LAMA1: variants seen among roughly 807,000 people sequenced by gnomAD.
LAMA1 encodes laminin subunit alpha 1, also known as laminin subunit alpha-1.
LAMA1 carries 219 observed loss-of-function variants against 348.7 expected under a neutral mutation model. The observed-to-expected ratio is 0.63, with a 90% CI of 0.56 to 0.70. LAMA1 has a LOEUF of 0.70. Ranked by LOEUF, LAMA1 falls within the 30% of genes least tolerant of loss-of-function variation. LAMA1 has a pLI of 0.00. For missense variants in LAMA1, 3,744 were observed against 3,888.0 expected (o/e 0.96, Z 0.99); for synonymous variants, 1,487 against 1,491.0 (o/e 1.00, Z 0.06).
At chr18:7,091,235 G>A (rs1050114662) in intron 1 of LAMA1, among the ~76,000 whole-genome samples, 3 of 152,038 alleles carry the variant, frequency 2.0e-5, no homozygotes, top group African/African-American at 4.8e-5. Context: ...TTGCACTTAC[G>A]CAAAACACAA....
intron 46 of LAMA1, 105 bp from the exon 47 acceptor site, chr18:6,973,312 T>G (rs990042414): frequency 7.8e-5 from 77 of 989,344 alleles, no homozygotes; most frequent in Admixed American, 3.9e-5. Context: ...CCAAGGGCCC[T>G]GCAACAGCAC....
chr18:7,060,870 T>C (rs937532893), intron 3 of LAMA1, among the ~76,000 whole-genome samples: 6 of 152,128 alleles, frequency 3.9e-5, no homozygotes, highest in Non-Finnish European at 7.4e-5. Context: ...TTAAAAAGTG[T>C]GCAGGCTGGG....
chr18:7,055,269 G>A (rs2058077024), intron 3 of LAMA1, among the ~76,000 whole-genome samples: 2 of 151,700 alleles, frequency 1.3e-5, no homozygotes, highest in Middle Eastern at 3.4e-3. Flanking sequence ...TGGCCAACAT[G>A]GTGAAACCCC....
chr18:7,042,205 G>A lies in LAMA1; in HGVS notation c.1201C>T (p.Pro401Ser), dbSNP rs757753574. The A allele has an allele frequency of 6.2e-6, 10 of 1,612,718 alleles. No homozygotes were observed. Among genetic ancestry groups the A allele is most frequent in the South Asian group, 4.4e-5 (4 of 90,720 alleles). The change falls in exon 9 of 63, where the codon CCT (proline) becomes TCT (serine). Residue 401 changes from proline (P) to serine (S), a missense_variant. By Grantham distance (74) the Pro-to-Ser change is moderately conservative. Transcript: ENST00000389658. ...DEPCRPCNCDPVGSLSSVCIK... is the reference protein window; with the variant it reads ...DEPCRPCNCDSVGSLSSVCIK... Reference sequence around the variant, plus strand: ...CAGACAGAACTGAGGGACCCCACAGGGTCACAATTACAGGGGCGGCAAGGC... The same window carrying A: ...CAGACAGAACTGAGGGACCCCACAGAGTCACAATTACAGGGGCGGCAAGGC...
intron 36 of LAMA1, among the ~76,000 whole-genome samples, chr18:6,986,872 G>A (rs929712856): frequency 1.7e-4 from 26 of 152,118 alleles, no homozygotes; most frequent in Non-Finnish European, 3.8e-4. Context: ...CGATTCTCCT[G>A]CCTCTGCCTC....
At chr18:7,058,110 A>G (rs955300080) in intron 3 of LAMA1, among the ~76,000 whole-genome samples, 1 of 151,878 alleles carries the variant, frequency 6.6e-6, no homozygotes, top group Admixed American at 6.6e-5. Flanking sequence ...CCCAGCCCAT[A>G]ATTATTTCAA....
intron 1 of LAMA1, among the ~76,000 whole-genome samples, chr18:7,083,455 G>A (rs906904463): frequency 6.6e-6 from 1 of 151,684 alleles, no homozygotes; most frequent in Non-Finnish European, 1.5e-5. Context: ...CAAAGTGCTG[G>A]GATTACAGGC....
intron 1 of LAMA1, among the ~76,000 whole-genome samples, chr18:7,113,622 G>A (rs1390342507): frequency 8.5e-5 from 13 of 152,152 alleles, no homozygotes; most frequent in Non-Finnish European, 1.5e-5. Context: ...AGCGGTTATC[G>A]AGATGGTGTT....
chr18:7,012,141 A>T lies in LAMA1; in HGVS notation c.3364-3T>A. On this transcript the variant is annotated splice_polypyrimidine_tract_variant and splice_region_variant and intron_variant, in intron 23 of 62. Coordinates refer to ENST00000389658, the MANE Select transcript of LAMA1 (RefSeq NM_005559.4). The stretch of plus-strand genomic sequence containing the variant: ...CACTGAGGACCAAAGACATTTTCCT[A>T]CAGGGGAGCAAATAAAGGACTCGTT... The T allele has an allele frequency of 6.2e-7, 1 of 1,613,910 alleles. No homozygotes were observed. The highest frequency in any genetic ancestry group is 2.2e-5 in the East Asian group (1 of 44,882).
intron 42 of LAMA1, among the ~76,000 whole-genome samples, chr18:6,979,920 G>A (rs17518744): frequency 0.48 from 73,468 of 151,982 alleles, 18,450 homozygotes; most frequent in East Asian, 0.69. Flanking sequence ...GCTGCTAGCC[G>A]GGTTCAGGCT....
intron 1 of LAMA1, among the ~76,000 whole-genome samples, chr18:7,098,283 G>A (rs1179802159): frequency 1.3e-5 from 2 of 152,140 alleles, no homozygotes; most frequent in Non-Finnish European, 2.9e-5. Flanking sequence ...CGTCTGGGAA[G>A]TGAGGAGTGT....
At chr18:6,960,429 T>C (rs2057601485) in intron 53 of LAMA1, 2 of 152,094 alleles carry the variant, frequency 1.3e-5, no homozygotes. Flanking sequence ...ATCATATGAT[T>C]CCATTTGTAC....
intron 9 of LAMA1, among the ~76,000 whole-genome samples, chr18:7,041,131 G>A (rs73938549): frequency 0.021 from 3,145 of 151,870 alleles, 108 homozygotes; most frequent in African/African-American, 0.073. Context: ...GAACTGTATC[G>A]TTGTAAATTA....
chr18:7,112,927 G>A (rs547373838), intron 1 of LAMA1, among the ~76,000 whole-genome samples: 5 of 152,160 alleles, frequency 3.3e-5, no homozygotes, highest in South Asian at 4.1e-4. Context: ...GAGCCACTGC[G>A]CCCAGCTATT....
chr18:6,960,665 C>T (rs2057602607), intron 53 of LAMA1: 1 of 143,824 alleles, frequency 7.0e-6, no homozygotes, highest in Non-Finnish European at 1.5e-5. Context: ...ATATGAATTT[C>T]AGCTCAACTA....
At chr18:7,117,087 G>C (rs2058360100) in intron 1 of LAMA1, among the ~76,000 whole-genome samples, 1 of 152,122 alleles carries the variant, frequency 6.6e-6, no homozygotes, top group Non-Finnish European at 1.5e-5. Flanking sequence ...TGCCCGGGAC[G>C]GCTGGCTAGG....
At chr18:6,995,679 T>C (rs2057778256) in intron 33 of LAMA1, among the ~76,000 whole-genome samples, 1 of 152,218 alleles carries the variant, frequency 6.6e-6, no homozygotes, top group African/African-American at 2.4e-5. Flanking sequence ...TTAAAATCTG[T>C]TGTGTTCAGC....
chr18:6,994,672 G>GACGC (rs1184079284), intron 34 of LAMA1, among the ~76,000 whole-genome samples: 6 of 148,578 alleles, frequency 4.0e-5, no homozygotes, highest in African/African-American at 1.2e-4. Context: ...TCACAGTACA[G>GACGC]ACACACACAC....
At chr18:6,949,290 T>G (rs771261309) in intron 58 of LAMA1, 31 bp from the exon 59 acceptor site, 7 of 1,612,250 alleles carry the variant, frequency 4.3e-6, no homozygotes, top group Non-Finnish European at 5.9e-6. Context: ...GCATAATTTT[T>G]GAGGAATCTG....
Sources: gnomAD v4.1 joint callset for allele counts (sites outside exome capture counted in the v4.1 genomes callset) on GRCh38, gnomAD v4.1.1 for gene constraint, MANE v1.5 for transcripts, NCBI Gene and HGNC (gene_info 2026-07-23, HGNC 2026-07-21) for gene names.